The following KCNS3 variants were observed in gnomAD, a reference collection of about 807,000 sequenced individuals.
KCNS3 encodes the protein potassium voltage-gated channel modifier subfamily S member 3.
Under a neutral mutation model 31.0 loss-of-function variants are expected in KCNS3, and 13 were observed. The observed-to-expected ratio is 0.42, with a 90% CI of 0.27 to 0.67. KCNS3 has a LOEUF of 0.67. Among genes scored for constraint, KCNS3 ranks in the 30% least tolerant of loss-of-function variants. The probability of loss-of-function intolerance (pLI) is 0.25; values close to 1 mark genes in which losing one functional copy is unlikely to be tolerated. For synonymous variants in KCNS3, 238 were observed against 241.5 expected (o/e 0.99, Z 0.13); for missense variants, 545 against 622.4 (o/e 0.88, Z 1.32).
rs1453051453 is a variant in KCNS3, at chr2:17,932,274, C to T, written c.1266C>T (p.Asp422=). ...YYQKQKDIDV[D]QCSEDAPEKC... is the part of the protein sequence containing the mutation. ...AGAAGCAAAAGGACATTGATGTGGACCAGTGCAGTGAGGATGCACCAGAGA... is the reference window on the plus strand; with the variant it reads ...AGAAGCAAAAGGACATTGATGTGGATCAGTGCAGTGAGGATGCACCAGAGA... Residue 422 remains aspartate (D), a synonymous_variant, in exon 3 of 3, where the codon GAC becomes GAT. Coordinates refer to ENST00000304101, the MANE Select transcript of KCNS3 (RefSeq NM_002252.5). 2.5e-6 allele frequency: 4 copies of T among 1,613,750 alleles called. No individual in the cohort carries two copies. Among genetic ancestry groups the T allele is most frequent in the Admixed American group, 1.7e-5 (1 of 60,030 alleles).
At chr2:17,912,453 G>T (rs565926239) in intron 1 of KCNS3, among the ~76,000 whole-genome samples, 1 of 152,330 alleles carries the variant, frequency 6.6e-6, no homozygotes, top group South Asian at 2.1e-4. Context: ...TCCTTTCTGT[G>T]GCCAGGAGCA....
At chr2:17,893,722 G>A (rs1328105615) in intron 1 of KCNS3, among the ~76,000 whole-genome samples, 6 of 152,108 alleles carry the variant, frequency 3.9e-5, no homozygotes, top group Non-Finnish European at 7.3e-5. Flanking sequence ...GGGGAGGAGG[G>A]TCTACCTTTC....
At chr2:17,903,151 C>A (rs1662227473) in intron 1 of KCNS3, among the ~76,000 whole-genome samples, 1 of 152,140 alleles carries the variant, frequency 6.6e-6, no homozygotes, top group East Asian at 1.9e-4. Flanking sequence ...AGAATGGAAG[C>A]AGCCAGTAGC....
intron 1 of KCNS3, among the ~76,000 whole-genome samples, chr2:17,885,215 T>C (rs1661612717): frequency 6.6e-6 from 1 of 152,130 alleles, no homozygotes; most frequent in African/African-American, 2.4e-5. Flanking sequence ...CCTTCCAATG[T>C]AGATGGGATA....
At chr2:17,902,869 T>G (rs969658203) in intron 1 of KCNS3, among the ~76,000 whole-genome samples, 5 of 152,222 alleles carry the variant, frequency 3.3e-5, no homozygotes, top group African/African-American at 1.2e-4. Context: ...TTATGCCACA[T>G]CCCCAATTTT....
intron 2 of KCNS3, among the ~76,000 whole-genome samples, chr2:17,918,884 C>T (rs1005736836): frequency 6.6e-6 from 1 of 152,150 alleles, no homozygotes; most frequent in Non-Finnish European, 1.5e-5. Flanking sequence ...CCCAAATTCT[C>T]CAAAACTCCC....
At chr2:17,879,025 C>G (rs577997019) in intron 1 of KCNS3, among the ~76,000 whole-genome samples, 11 of 152,224 alleles carry the variant, frequency 7.2e-5, no homozygotes, top group Non-Finnish European at 1.0e-4. Context: ...AGCCCGCCGT[C>G]GCTGGAGCCC....
chr2:17,909,322 G>T (rs1471656383), intron 1 of KCNS3, among the ~76,000 whole-genome samples: 1 of 152,212 alleles, frequency 6.6e-6, no homozygotes, highest in Non-Finnish European at 1.5e-5. Context: ...CGGTATTAGG[G>T]TGGGAGTGAC....
chr2:17,904,677 T>C (rs1265036150), intron 1 of KCNS3, among the ~76,000 whole-genome samples: 1 of 152,212 alleles, frequency 6.6e-6, no homozygotes, highest in Non-Finnish European at 1.5e-5. Flanking sequence ...TTTCTACATA[T>C]GGCTAGCCAG....
intron 2 of KCNS3, among the ~76,000 whole-genome samples, chr2:17,926,509 C>T (rs1015460560): frequency 6.6e-6 from 1 of 152,260 alleles, no homozygotes; most frequent in Non-Finnish European, 1.5e-5. Flanking sequence ...CCAGGCATTT[C>T]CATACATCCT....
intron 2 of KCNS3, among the ~76,000 whole-genome samples, chr2:17,920,433 G>T (rs1662682882): frequency 6.6e-6 from 1 of 152,214 alleles, no homozygotes; most frequent in African/African-American, 2.4e-5. Flanking sequence ...GAAGCAACAA[G>T]AGCAGGAAGT....
intron 2 of KCNS3, among the ~76,000 whole-genome samples, chr2:17,920,569 A>G (rs534816591): frequency 3.3e-4 from 51 of 152,332 alleles, no homozygotes; most frequent in African/African-American, 1.1e-3. Context: ...GATTTTTGAC[A>G]TATTCTTCTT....
intron 1 of KCNS3, among the ~76,000 whole-genome samples, chr2:17,889,972 A>G (rs191422952): frequency 3.3e-5 from 5 of 152,168 alleles, no homozygotes; most frequent in Admixed American, 6.5e-5. Flanking sequence ...TTCTTTCTCT[A>G]TCTTGTGGAA....
intron 1 of KCNS3, among the ~76,000 whole-genome samples, chr2:17,901,281 C>T (rs1162695763): frequency 6.6e-6 from 1 of 151,842 alleles, no homozygotes; most frequent in Non-Finnish European, 1.5e-5. Context: ...TTGTGGTGAA[C>T]CAGTGGAAAA....
rs554584686 is a variant in KCNS3, at chr2:17,905,220, C to T, written c.-251-12460C>T. ...CCTAGGTATTTTATTCTCTTTGAAG[C>T]AAGTGCGAATGGGACTTCACTCATG... is the stretch of plus-strand genomic sequence containing the variant. On this transcript the variant is annotated intron_variant, in intron 1 of 2. Transcript: ENST00000304101. Among the ~76,000 whole-genome samples, 611 of 152,296 alleles carry T rather than the reference C, an allele frequency of 4.0e-3. 4 individuals are homozygous for T. The highest frequency in any genetic ancestry group is 6.9e-3 in the Non-Finnish European group (470 of 68,038).
chr2:17,882,111 C>T (rs1331948171), intron 1 of KCNS3, among the ~76,000 whole-genome samples: 1 of 152,154 alleles, frequency 6.6e-6, no homozygotes, highest in Non-Finnish European at 1.5e-5. Context: ...TGTATGGGTG[C>T]TAAGTGCCCA....
At position 17,932,255 on chromosome 2, in the gene KCNS3, A is replaced by C; in HGVS notation, c.1247A>C (p.Gln416Pro). 1 of 1,614,010 alleles carries C rather than the reference A, an allele frequency of 6.2e-7. No homozygotes were observed. The change falls in exon 3 of 3, where the codon CAA becomes CCA. Residue 416 changes from glutamine to proline, a missense_variant. By Grantham distance (76) the Gln-to-Pro change is moderately conservative. Coordinates refer to ENST00000304101, the MANE Select transcript of KCNS3 (RefSeq NM_002252.5). Reference sequence around the variant, plus strand: ...AAGTTTTCCAAGTACTACCAGAAGCAAAAGGACATTGATGTGGACCAGTGC... The same window carrying C: ...AAGTTTTCCAAGTACTACCAGAAGCCAAAGGACATTGATGTGGACCAGTGC... The part of the protein sequence containing the change: ...FNKFSKYYQK[Q>P]KDIDVDQCSE...
At chr2:17,916,289 A>G (rs1040912636) in intron 1 of KCNS3, among the ~76,000 whole-genome samples, 3 of 152,112 alleles carry the variant, frequency 2.0e-5, no homozygotes, top group African/African-American at 7.2e-5. Flanking sequence ...GTTTCATTGG[A>G]ATGCAGAGAA....
upstream of KCNS3, chr2:17,878,000 G>A (rs959563523): frequency 2.0e-5 from 3 of 152,184 alleles, no homozygotes; most frequent in African/African-American, 7.2e-5. Flanking sequence ...TTCTACATAT[G>A]AGGCGCATCT....
Sources: allele counts gnomAD v4.1 joint callset (sites outside exome capture counted in the v4.1 genomes callset), GRCh38; gene constraint gnomAD v4.1.1; transcripts MANE v1.5; gene names NCBI Gene and HGNC (gene_info 2026-07-23, HGNC 2026-07-21).